SPIDR: variants seen among roughly 807,000 people sequenced by gnomAD.
The protein encoded by SPIDR is scaffold protein involved in DNA repair.
A neutral mutation model predicts 104.6 loss-of-function variants in SPIDR; 93 were observed. The ratio of observed to expected loss-of-function variants is 0.89; its 90% CI spans 0.75 to 1.06. SPIDR has a LOEUF of 1.06. Ranked by LOEUF, SPIDR falls within the 50% of genes least tolerant of loss-of-function variation. The pLI, the probability that SPIDR is intolerant of heterozygous loss-of-function variation, is 0.00. For synonymous variants in SPIDR, 431 were observed against 416.9 expected (o/e 1.03, Z -0.41); for missense variants, 1,154 against 1,111.2 (o/e 1.04, Z -0.55).
intron 2 of SPIDR, among the ~76,000 whole-genome samples, chr8:47,282,862 CT>C (rs1262572122): frequency 5.3e-4 from 77 of 145,512 alleles, no homozygotes; most frequent in Admixed American, 7.6e-4. Flanking sequence ...TTTTCTTTTT[CT>C]TTTTTTTTTT....
At chr8:47,615,399 A>T (rs2064156292) in intron 10 of SPIDR, among the ~76,000 whole-genome samples, 1 of 151,436 alleles carries the variant, frequency 6.6e-6, no homozygotes, top group African/African-American at 2.4e-5. Flanking sequence ...GGGACATTTT[A>T]AATTAATTTG....
chr8:47,625,516 G>A (rs2065917677), intron 10 of SPIDR, among the ~76,000 whole-genome samples: 1 of 152,200 alleles, frequency 6.6e-6, no homozygotes, highest in Non-Finnish European at 1.5e-5. Flanking sequence ...ATCTCCTTAA[G>A]CTGATAAGCA....
At chr8:47,701,238 G>A (rs1248521131) in intron 12 of SPIDR, among the ~76,000 whole-genome samples, 1 of 152,236 alleles carries the variant, frequency 6.6e-6, no homozygotes, top group Non-Finnish European at 1.5e-5. Context: ...TTCAAGATCA[G>A]CCTGACCAAC....
intron 8 of SPIDR, chr8:47,592,451 A>G: frequency 6.9e-7 from 1 of 1,452,662 alleles, no homozygotes; most frequent in East Asian, 2.3e-5. Flanking sequence ...TCAAGTTTAA[A>G]AGTCCCTCCC....
At chr8:47,306,455 T>C in intron 5 of SPIDR, among the ~76,000 whole-genome samples, 1 of 152,208 alleles carries the variant, frequency 6.6e-6, no homozygotes, top group Non-Finnish European at 1.5e-5. Context: ...TTTCCTTCTT[T>C]TTAAAGGCTG....
intron 8 of SPIDR, among the ~76,000 whole-genome samples, chr8:47,554,324 T>C (rs2091018713): frequency 6.6e-6 from 1 of 152,236 alleles, no homozygotes; most frequent in Admixed American, 6.5e-5. Flanking sequence ...TGCTGCCTTT[T>C]GTTCAGCTAT....
chr8:47,556,808 T>C (rs1037087154), intron 8 of SPIDR, among the ~76,000 whole-genome samples: 1 of 152,126 alleles, frequency 6.6e-6, no homozygotes, highest in Non-Finnish European at 1.5e-5. Context: ...GTTGCTATGT[T>C]GTCTAGGCTG....
At chr8:47,515,797 T>TA (rs1586973763) in intron 8 of SPIDR, among the ~76,000 whole-genome samples, 1 of 152,240 alleles carries the variant, frequency 6.6e-6, no homozygotes, top group Non-Finnish European at 1.5e-5. Flanking sequence ...TGTATACACA[T>TA]ACAGTCCATG....
intron 3 of SPIDR, among the ~76,000 whole-genome samples, chr8:47,289,205 CTCACTGTGTT>C (rs2039451087): frequency 6.6e-6 from 1 of 152,028 alleles, no homozygotes; most frequent in South Asian, 2.1e-4. Context: ...GAGATTGGGT[CTCACTGTGTT>C]GCCTAGGCTG....
intron 10 of SPIDR, among the ~76,000 whole-genome samples, chr8:47,653,690 G>A (rs1038581043): frequency 6.6e-6 from 1 of 152,134 alleles, no homozygotes; most frequent in Non-Finnish European, 1.5e-5. Context: ...AACTCAACTT[G>A]GTGTAACAAA....
chr8:47,417,164 A>G (rs1405653006), intron 7 of SPIDR, among the ~76,000 whole-genome samples: 4 of 152,186 alleles, frequency 2.6e-5, no homozygotes, highest in Non-Finnish European at 5.9e-5. Flanking sequence ...GCTGGGTCAA[A>G]TGGTATTTCT....
At chr8:47,523,648 C>T (rs1043805719) in intron 8 of SPIDR, among the ~76,000 whole-genome samples, 5 of 152,116 alleles carry the variant, frequency 3.3e-5, no homozygotes, top group African/African-American at 1.2e-4. Flanking sequence ...ATCATGGATG[C>T]GACCACCCTG....
At chr8:47,586,836 T>C (rs1419136291) in intron 8 of SPIDR, among the ~76,000 whole-genome samples, 1 of 152,210 alleles carries the variant, frequency 6.6e-6, no homozygotes, top group Admixed American at 6.5e-5. Flanking sequence ...TGGCAAGACC[T>C]CAGCTCACTG....
At chr8:47,506,052 T>C (rs2081427460) in intron 8 of SPIDR, among the ~76,000 whole-genome samples, 1 of 152,210 alleles carries the variant, frequency 6.6e-6, no homozygotes, top group African/African-American at 2.4e-5. Context: ...TTCTATACTT[T>C]CTCAAACCAT....
chr8:47,351,164 G>A (rs1269672547), intron 5 of SPIDR, among the ~76,000 whole-genome samples: 6 of 152,094 alleles, frequency 3.9e-5, no homozygotes, highest in African/African-American at 7.2e-5. Context: ...TGTTACAATC[G>A]TTCTATTATT....
rs1001868086 is a variant in SPIDR, at chr8:47,294,409, G to A, written c.525+379G>A. The stretch of plus-strand genomic sequence containing the variant: ...AGTCCTCTCCCAGTGGAGTCACACA[G>A]TATATGCTTAATTCTTCCAGCAAAA... On this transcript the variant is annotated intron_variant, in intron 5 of 19. Transcript: ENST00000297423. The A allele has an allele frequency of 2.9e-4, 51 of 175,668 alleles. 2 individuals are homozygous for A. Among genetic ancestry groups the A allele is most frequent in the Non-Finnish European group, 7.2e-5 (6 of 83,132 alleles). 10.9% of individuals were successfully genotyped at this position (175,668 alleles called of 1,614,324 possible). A position where few individuals can be genotyped will look rare whatever the true frequency, so the allele number is the denominator to read the frequency against.
intron 5 of SPIDR, among the ~76,000 whole-genome samples, chr8:47,344,366 CATT>C (rs1346168883): frequency 6.6e-6 from 1 of 152,270 alleles, no homozygotes; most frequent in East Asian, 1.9e-4. Flanking sequence ...TCCAGTCTAT[CATT>C]GTTGGACATT....
chr8:47,498,345 A>C (rs145837073), intron 8 of SPIDR, among the ~76,000 whole-genome samples: 1 of 152,234 alleles, frequency 6.6e-6, no homozygotes, highest in Non-Finnish European at 1.5e-5. Context: ...CAGTTTCTTT[A>C]TCAAAGCAAC....
At chr8:47,294,291 T>C (rs1425868611) in intron 5 of SPIDR, 1 of 376,148 alleles carries the variant, frequency 2.7e-6, no homozygotes, top group Admixed American at 4.5e-5. Context: ...CCTGCTATTC[T>C]TCCAGTGCAG....
Sources: gnomAD v4.1 joint callset for allele counts (sites outside exome capture counted in the v4.1 genomes callset) on GRCh38, gnomAD v4.1.1 for gene constraint, MANE v1.5 for transcripts, NCBI Gene and HGNC (gene_info 2026-07-23, HGNC 2026-07-21) for gene names.